Variants in C16orf96 observed in about 807,000 individuals in gnomAD.
The protein encoded by C16orf96 is chromosome 16 open reading frame 96.
C16orf96 carries 108 observed loss-of-function variants against 103.6 expected under a neutral mutation model. The ratio of observed to expected loss-of-function variants is 1.04; its 90% CI spans 0.89 to 1.22. C16orf96 has a LOEUF of 1.22. Ranked by LOEUF, C16orf96 falls within the 50% of genes most tolerant of loss-of-function variation. C16orf96 has a pLI of 0.00. For missense variants in C16orf96, 1,586 were observed against 1,464.2 expected, an observed-to-expected ratio of 1.08 and a Z score of -1.36; for synonymous variants, 566 against 593.5, an observed-to-expected ratio of 0.95 and a Z score of 0.67.
At chr16:4,546,427 C>T in the C16orf96 span, among the ~76,000 whole-genome samples, 92 of 145,248 alleles carry the variant, frequency 6.3e-4, 1 homozygote, top group Non-Finnish European at 2.4e-4. Context: ...CAGAGTGCTG[C>T]GATTACAGGC....
chr16:4,595,247 T>A (rs1375911741), intron 14 of C16orf96, among the ~76,000 whole-genome samples: 1 of 152,088 alleles, frequency 6.6e-6, no homozygotes, highest in Non-Finnish European at 1.5e-5. Flanking sequence ...GCAAAGGCCC[T>A]GTGGTGGGTG....
rs1458189983 is a variant in C16orf96, at chr16:4,579,036, C to T, written c.2241+11C>T. On this transcript the variant is annotated intron_variant, in intron 6 of 15. Transcript: ENST00000444310. ...AAATCTAGGCTCAAGGTTAGTGTCT[C>T]CGGCGAAGGGCTTTTGAGGCAGTGA... 1.9e-6 allele frequency: 3 copies of T among 1,550,676 alleles called. No individual in the cohort carries two copies. Among genetic ancestry groups the T allele is most frequent in the African/African-American group, 1.4e-5 (1 of 73,160 alleles).
Position 4,566,906 on chromosome 16 carries a change from TC to T in C16orf96, c.421-4654del, listed in dbSNP as rs2059389533. Among the ~76,000 whole-genome samples the T allele has an allele frequency of 3.9e-5, 6 of 152,288 alleles. No individual in the cohort carries two copies. In the South Asian group the frequency reaches 1.2e-3, roughly 32 times the overall value. ...TAATTTGAGTCTGATTCTTGGCCAA[TC>T]TAGCTAAAAGTTTGTCAATTTTGTT... On this transcript the variant is annotated intron_variant, in intron 1 of 15. Transcript: ENST00000444310.
chr16:4,559,989 A>G (rs1245725299), intron 1 of C16orf96: 1 of 152,004 alleles, frequency 6.6e-6, no homozygotes, highest in Non-Finnish European at 1.5e-5. Flanking sequence ...TACATACCAA[A>G]TGCCCTCAAA....
At chr16:4,551,478 G>C (rs539650988), upstream of C16orf96, among the ~76,000 whole-genome samples, 2 of 152,258 alleles carry the variant, frequency 1.3e-5, no homozygotes, top group African/African-American at 4.8e-5. Context: ...TTGAGACGGA[G>C]TCTTGCTCTG....
At chr16:4,570,200 C>T (rs1222520553) in intron 1 of C16orf96, among the ~76,000 whole-genome samples, 1 of 152,184 alleles carries the variant, frequency 6.6e-6, no homozygotes, top group Non-Finnish European at 1.5e-5. Flanking sequence ...ACTCCTGCCT[C>T]AAGCTCCCAA....
In C16orf96 at chr16:4,600,290, GC is replaced by G; in HGVS notation, c.3405del (p.Glu1136ArgfsTer122). 1 of 1,550,382 alleles carries G rather than the reference GC, an allele frequency of 6.5e-7. No individual in the cohort carries two copies. The highest frequency in any genetic ancestry group is 8.7e-7 in the Non-Finnish European group (1 of 1,146,800). On this transcript the variant is annotated frameshift_variant, in exon 16 of 16. Transcript: ENST00000444310. LOFTEE classifies it high-confidence loss of function. The part of the protein sequence containing the change: ...PHIESRVGRK[P>X]PEEPANP ...ACATTGAGTCCCGAGTCGGCAGGAAGCCCCCCGAGGAGCCCGCCAACCCGTG... is the reference window on the plus strand; with the variant it reads ...ACATTGAGTCCCGAGTCGGCAGGAAGCCCCCGAGGAGCCCGCCAACCCGTG...
chr16:4,564,447 A>G (rs1346540776), intron 1 of C16orf96, among the ~76,000 whole-genome samples: 2 of 152,128 alleles, frequency 1.3e-5, no homozygotes, highest in African/African-American at 2.4e-5. Context: ...CACCCTCCCC[A>G]TTTTACTCCC....
At chr16:4,577,678 G>A (rs906656578) in intron 5 of C16orf96, among the ~76,000 whole-genome samples, 11 of 151,924 alleles carry the variant, frequency 7.2e-5, no homozygotes, top group Admixed American at 2.6e-4. Context: ...AACATTGGCC[G>A]TGTGCGGTGG....
At chr16:4,565,925 C>T (rs369529238) in intron 1 of C16orf96, among the ~76,000 whole-genome samples, 6 of 152,212 alleles carry the variant, frequency 3.9e-5, no homozygotes, top group African/African-American at 1.4e-4. Flanking sequence ...TCACTGCAGC[C>T]TCAAACTCCT....
Position 4,594,387 on chromosome 16 carries a change from C to G in C16orf96, c.2904C>G (p.Ile968Met). ...GGCTGCAGCTCCAGGACCTCGGTAT[C>G]CAGGAGGATTGTCAGCAGGACTGGG... is the stretch of plus-strand genomic sequence containing the variant. ...QQWLQLQDLG[I>M]QEDCQQDWGD... is the part of the protein sequence containing the mutation. Residue 968 changes from isoleucine to methionine, a missense_variant, in exon 13 of 16, where the codon ATC (isoleucine) becomes ATG (methionine). Transcript: ENST00000444310. 6.5e-7 allele frequency: 1 copy of G among 1,549,158 alleles called. No individual in the cohort carries two copies. The highest frequency in any genetic ancestry group is 8.7e-7 in the Non-Finnish European group (1 of 1,146,768).
the C16orf96 span, among the ~76,000 whole-genome samples, chr16:4,547,733 T>C: frequency 3.2e-3 from 466 of 146,020 alleles, 4 homozygotes; most frequent in African/African-American, 0.012. Context: ...TCTTTCTTTC[T>C]TTCTCCTTCC....
Position 4,575,720 on chromosome 16 carries a change from C to A in C16orf96, c.1240C>A (p.Arg414=). ...SWPLWDLGVL[R]PTQPQPSRAP... is the part of the protein sequence containing the mutation. ...GCCTCTGTGGGACTTAGGTGTCCTG[C>A]GGCCAACTCAGCCCCAACCCTCCAG... is the stretch of plus-strand genomic sequence containing the variant. Residue 414 remains arginine (R), a synonymous_variant, in exon 5 of 16, where the codon CGG becomes AGG. Coordinates refer to ENST00000444310, the MANE Select transcript of C16orf96 (RefSeq NM_001145011.2). The A allele has an allele frequency of 1.3e-6, 2 of 1,532,914 alleles. No homozygotes were observed. Among genetic ancestry groups the A allele is most frequent in the Non-Finnish European group, 1.8e-6 (2 of 1,138,532 alleles). The allele number at this position is 1,532,914 out of a possible 1,614,324, so 95.0% of individuals were successfully genotyped here.
chr16:4,592,463 CTG>C, intron 11 of C16orf96, 96 bp downstream of exon 11: 1 of 1,375,478 alleles, frequency 7.3e-7, no homozygotes, highest in Non-Finnish European at 1.0e-6. Context: ...TCCATGCACG[CTG>C]TGTGTCTACA....
chr16:4,567,718 G>A (rs1339519038), intron 1 of C16orf96, among the ~76,000 whole-genome samples: 1 of 50,420 alleles, frequency 2.0e-5, no homozygotes, highest in Non-Finnish European at 3.4e-5. Flanking sequence ...TTTTTTTTTT[G>A]AGATGAAGTC....
rs1223257442 is a variant in C16orf96, at chr16:4,600,504, T to A, written c.*187T>A. Reference sequence around the variant, plus strand: ...AGGCTCATGCGCCCCCCCCCATCCCTACCAAGTCCCCTCCACGTCCGAGGC... The same window carrying A: ...AGGCTCATGCGCCCCCCCCCATCCCAACCAAGTCCCCTCCACGTCCGAGGC... On this transcript the variant is annotated 3_prime_UTR_variant, in exon 16 of 16. Coordinates refer to ENST00000444310, the MANE Select transcript of C16orf96 (RefSeq NM_001145011.2). 7 of 346,650 alleles carry A rather than the reference T, an allele frequency of 2.0e-5. No homozygotes were observed. The African/African-American group carries it at 3.7e-4, about 18-fold the overall frequency. 21.5% of individuals were successfully genotyped at this position (346,650 alleles called of 1,614,324 possible). A position where few individuals can be genotyped will look rare whatever the true frequency, so the allele number is the denominator to read the frequency against.
chr16:4,552,362 A>G (rs1055790494), upstream of C16orf96, among the ~76,000 whole-genome samples: 2 of 151,688 alleles, frequency 1.3e-5, no homozygotes, highest in Non-Finnish European at 2.9e-5. Context: ...TGTGCCTGTC[A>G]TGCCAGCTAC....
At chr16:4,538,614 G>A in the C16orf96 span, 2 of 152,240 alleles carry the variant, frequency 1.3e-5, no homozygotes, top group African/African-American at 4.8e-5. Flanking sequence ...GTCACGCCCC[G>A]ACCTGAGGAG....
chr16:4,594,469 C>T lies in C16orf96; in HGVS notation c.2986C>T (p.Leu996Phe), dbSNP rs755411665. The T allele has an allele frequency of 6.4e-7, 1 of 1,551,522 alleles. No homozygotes were observed. The highest frequency in any genetic ancestry group is 2.0e-5 in the Admixed American group (1 of 51,014). Residue 996 changes from leucine (L) to phenylalanine (F), a missense_variant, in exon 13 of 16, where the codon CTC becomes TTC. By Grantham distance (22) the Leu-to-Phe change is conservative. Transcript: ENST00000444310. ...LKCKSCNLLT[L>F]YPYGDPHVID... ...GTGCAAGTCCTGCAACCTGTTGACG[C>T]TCTATCCCTACGGGGATCCCCACGT...
Sources: gnomAD v4.1 joint callset for allele counts (sites outside exome capture counted in the v4.1 genomes callset) on GRCh38, gnomAD v4.1.1 for gene constraint, MANE v1.5 for transcripts, NCBI Gene and HGNC (gene_info 2026-07-23, HGNC 2026-07-21) for gene names.